CHRM3: variants seen among roughly 807,000 people sequenced by gnomAD.
CHRM3 encodes cholinergic receptor muscarinic 3.
In CHRM3, 11 loss-of-function variants were observed where a neutral mutation model predicts 41.8. That is an observed-to-expected ratio of 0.26 (90% CI 0.17 to 0.44). The LOEUF (loss-of-function observed/expected upper bound fraction) is 0.44. Ranked by LOEUF, CHRM3 falls within the 20% of genes least tolerant of loss-of-function variation. CHRM3 has a pLI of 1.00. For synonymous variants in CHRM3, 297 were observed against 301.4 expected (o/e 0.99, Z 0.15); for missense variants, 571 against 745.4 (o/e 0.77, Z 2.72).
chr1:239,587,315 A>G (rs1165653443), intron 3 of CHRM3, among the ~76,000 whole-genome samples: 2 of 152,276 alleles, frequency 1.3e-5, no homozygotes, highest in Middle Eastern at 3.4e-3. Context: ...TTCCTGTGGT[A>G]ATAACAAAGC....
rs1677060736 is a variant in CHRM3 at position 239,875,739 on chromosome 1, G to A, written c.-19-31694G>A. Among the ~76,000 whole-genome samples, 4 of 152,320 alleles carry A rather than the reference G, an allele frequency of 2.6e-5. No homozygotes were observed. In the South Asian group the frequency reaches 8.3e-4, roughly 32 times the overall value. ...GTCTTCAATACTGGTGTTCGATTTA[G>A]CATGTTGGGGTAATGAGTAGCAACT... On this transcript the variant is annotated intron_variant, in intron 6 of 6. Coordinates refer to ENST00000676153, the MANE Select transcript of CHRM3 (RefSeq NM_001375978.1).
At chr1:239,399,279 C>T (rs1393770928) in intron 1 of CHRM3, among the ~76,000 whole-genome samples, 6 of 150,308 alleles carry the variant, frequency 4.0e-5, no homozygotes, top group Non-Finnish European at 4.4e-5. Flanking sequence ...GCTTTGATAT[C>T]GTGGTACTTT....
intron 2 of CHRM3, among the ~76,000 whole-genome samples, chr1:239,541,573 G>C (rs74907661): frequency 6.6e-6 from 1 of 151,956 alleles, no homozygotes; most frequent in African/African-American, 2.4e-5. Context: ...GTGCAGTGGC[G>C]TGATTACCTC....
chr1:239,831,885 T>C (rs1394115799), intron 6 of CHRM3, among the ~76,000 whole-genome samples: 2 of 152,210 alleles, frequency 1.3e-5, no homozygotes, highest in Non-Finnish European at 2.9e-5. Context: ...TTTAAGCAGT[T>C]AGAAATTATT....
intron 5 of CHRM3, among the ~76,000 whole-genome samples, chr1:239,732,144 A>G (rs1664019000): frequency 6.6e-6 from 1 of 152,014 alleles, no homozygotes; most frequent in Non-Finnish European, 1.5e-5. Flanking sequence ...TCAATGATTC[A>G]AATGAAGTCT....
At chr1:239,669,146 T>C (rs1674110130) in intron 4 of CHRM3, among the ~76,000 whole-genome samples, 1 of 152,118 alleles carries the variant, frequency 6.6e-6, no homozygotes, top group African/African-American at 2.4e-5. Context: ...CAAACCCTAC[T>C]CACATGACTC....
chr1:239,516,060 GCT>G (rs774840593), intron 2 of CHRM3, among the ~76,000 whole-genome samples: 8 of 151,252 alleles, frequency 5.3e-5, no homozygotes, highest in Non-Finnish European at 5.9e-5. Flanking sequence ...TCTCTTTCTC[GCT>G]CTCTCTCATC....
chr1:239,582,371 T>C (rs895410331), intron 3 of CHRM3, among the ~76,000 whole-genome samples: 4 of 152,184 alleles, frequency 2.6e-5, no homozygotes, highest in Admixed American at 2.0e-4. Context: ...TGTGGTACTT[T>C]CCTTTTGAGA....
intron 5 of CHRM3, among the ~76,000 whole-genome samples, chr1:239,808,172 G>A (rs552510311): frequency 8.5e-5 from 13 of 152,226 alleles, no homozygotes; most frequent in African/African-American, 2.2e-4. Context: ...ATGGGAGTTC[G>A]AGGAAGACAG....
chr1:239,656,452 C>A (rs980352096), intron 4 of CHRM3, among the ~76,000 whole-genome samples: 2 of 147,462 alleles, frequency 1.4e-5, no homozygotes, highest in Admixed American at 6.9e-5. Context: ...AAGACATCAT[C>A]TCTGCTAAAA....
At chr1:239,471,999 A>G (rs1464017641) in intron 1 of CHRM3, among the ~76,000 whole-genome samples, 1 of 152,052 alleles carries the variant, frequency 6.6e-6, no homozygotes. Context: ...GCTTGCCTGT[A>G]TGAAGGAGAC....
rs571221900 is a variant in CHRM3 at position 239,699,013 on chromosome 1, A to G, written c.-147+20725A>G. Among the ~76,000 whole-genome samples the G allele has an allele frequency of 5.9e-5, 9 of 152,334 alleles. No homozygotes were observed. The South Asian group carries it at 8.3e-4, about 14-fold the overall frequency. ...AAAGTAAAGAGTTTTAAAAAGAAGA[A>G]AAAAATGAGACCTTCATAGTTTGTC... On this transcript the variant is annotated intron_variant, in intron 5 of 6. Coordinates refer to ENST00000676153, the MANE Select transcript of CHRM3 (RefSeq NM_001375978.1).
At chr1:239,818,663 A>G (rs1671791869) in intron 5 of CHRM3, among the ~76,000 whole-genome samples, 1 of 152,192 alleles carries the variant, frequency 6.6e-6, no homozygotes, top group Admixed American at 6.5e-5. Flanking sequence ...TGACAAGCTT[A>G]ATTTCAAGAT....
chr1:239,820,946 G>A lies in CHRM3; in HGVS notation c.-146-6306G>A, dbSNP rs544189260. Among the ~76,000 whole-genome samples the A allele has an allele frequency of 5.3e-4, 81 of 152,128 alleles. 1 individual carries two copies. In the Middle Eastern group the frequency reaches 0.017, roughly 32 times the overall value. ...GTTCACTAGGGGCTCACACAATATG[G>A]GCATTGAGTGAAATTTCTTTTTCTT... On this transcript the variant is annotated intron_variant, in intron 5 of 6. Transcript: ENST00000676153.
At position 239,618,373 on chromosome 1, in the gene CHRM3, G is replaced by A. The variant is rs181056112; in HGVS notation, c.-312-13851G>A. On this transcript the variant is annotated intron_variant, in intron 3 of 6. Coordinates refer to ENST00000676153, the MANE Select transcript of CHRM3 (RefSeq NM_001375978.1). ...ATGCAAGCTTAGAGAGGCTGATGCA[G>A]CTTCAGTCATGGGTGGCCCTGTCTA... Among the ~76,000 whole-genome samples, 142 of 147,886 alleles carry A rather than the reference G, an allele frequency of 9.6e-4. 1 individual carries two copies. Among genetic ancestry groups the A allele is most frequent in the Non-Finnish European group, 2.8e-4 (19 of 67,496 alleles).
chr1:239,535,541 A>T (rs1453027587), intron 2 of CHRM3, among the ~76,000 whole-genome samples: 2 of 150,106 alleles, frequency 1.3e-5, no homozygotes, highest in Non-Finnish European at 3.0e-5. Flanking sequence ...CCATACCTAC[A>T]TCGAGTGTGG....
intron 1 of CHRM3, among the ~76,000 whole-genome samples, chr1:239,428,647 C>G (rs1444282225): frequency 6.6e-6 from 1 of 152,174 alleles, no homozygotes; most frequent in Admixed American, 6.5e-5. Context: ...CTGTTTGACA[C>G]CTTACCAAAA....
chr1:239,716,405 A>G (rs947257051), intron 5 of CHRM3, among the ~76,000 whole-genome samples: 1 of 152,164 alleles, frequency 6.6e-6, no homozygotes, highest in Non-Finnish European at 1.5e-5. Context: ...CAAAAAGACT[A>G]TTGTAGTGAA....
At chr1:239,388,196 A>C (rs1474197004) in intron 1 of CHRM3, among the ~76,000 whole-genome samples, 1 of 150,866 alleles carries the variant, frequency 6.6e-6, no homozygotes, top group Non-Finnish European at 1.5e-5. Context: ...TGTTACTGGA[A>C]CCTGTCCAAA....
Sources: gnomAD v4.1 joint callset for allele counts (sites outside exome capture counted in the v4.1 genomes callset) on GRCh38, gnomAD v4.1.1 for gene constraint, MANE v1.5 for transcripts, NCBI Gene and HGNC (gene_info 2026-07-23, HGNC 2026-07-21) for gene names.